The following SLC20A1 variants were observed in gnomAD, a reference collection of about 807,000 sequenced individuals.
The protein encoded by SLC20A1 is sodium-dependent phosphate transporter 1.
In SLC20A1, 28 loss-of-function variants were observed where a neutral mutation model predicts 62.7. The observed-to-expected ratio is 0.45, with a 90% CI of 0.33 to 0.61. The LOEUF (loss-of-function observed/expected upper bound fraction) is 0.61, where lower values mean the gene tolerates loss of function less well. SLC20A1 is among the 20% of genes least tolerant of loss of function. The pLI is 0.02. For missense variants in SLC20A1, 673 were observed against 838.6 expected (o/e 0.80, Z 2.44); for synonymous variants, 305 against 302.9 (o/e 1.01, Z -0.07).
At position 112,651,139 on chromosome 2, in the gene SLC20A1, T is replaced by A. The variant is rs905674386; in HGVS notation, c.562-1563T>A. Among the ~76,000 whole-genome samples the A allele has an allele frequency of 5.1e-4, 77 of 152,176 alleles. 4 individuals carry two copies. The highest frequency in any genetic ancestry group is 5.9e-5 in the Non-Finnish European group (4 of 68,028). The stretch of plus-strand genomic sequence containing the variant: ...TATAGATAAGAGTTAAATTTTAGAG[T>A]GGTTTTCAATGAGTGCTCATCTCTG... On this transcript the variant is annotated intron_variant, in intron 4 of 10. Transcript: ENST00000272542.
intron 5 of SLC20A1, among the ~76,000 whole-genome samples, chr2:112,653,999 T>G (rs1000747332): frequency 1.3e-5 from 2 of 151,918 alleles, no homozygotes; most frequent in Non-Finnish European, 2.9e-5. Context: ...TCCATGTTGG[T>G]CAGGCTGGTC....
Position 112,660,435 on chromosome 2 carries a change from A to G in SLC20A1, c.1656A>G (p.Gly552=). The G allele has an allele frequency of 6.2e-7, 1 of 1,614,060 alleles. No homozygotes were observed. The highest frequency in any genetic ancestry group is 8.5e-7 in the Non-Finnish European group (1 of 1,179,998). ...CTTTATATTTGGTTTATGACACAGG[A>G]GATGTTTCTTCAAAAGTGGCAACAC... ...LVALYLVYDT[G]DVSSKVATPI... is the part of the protein sequence containing the mutation. Residue 552 remains glycine, a synonymous_variant, in exon 9 of 11, where the codon GGA becomes GGG. Transcript: ENST00000272542.
intron 6 of SLC20A1, among the ~76,000 whole-genome samples, chr2:112,658,042 C>T (rs1480674912): frequency 6.6e-6 from 1 of 152,266 alleles, no homozygotes; most frequent in Non-Finnish European, 1.5e-5. Context: ...CGCTGCGTCA[C>T]CGCAGCTGAA....
chr2:112,657,170 T>A lies in SLC20A1; in HGVS notation c.707T>A (p.Val236Glu). The A allele has an allele frequency of 6.2e-7, 1 of 1,613,934 alleles. No individual in the cohort carries two copies. Among genetic ancestry groups the A allele is most frequent in the Non-Finnish European group, 8.5e-7 (1 of 1,179,870 alleles). Residue 236 changes from valine to glutamate, a missense_variant, in exon 6 of 11, where the codon GTG becomes GAG. Val to Glu is a moderately radical substitution (Grantham distance 121). Coordinates refer to ENST00000272542, the MANE Select transcript of SLC20A1 (RefSeq NM_005415.5). The part of the protein sequence containing the change: ...LPLWGTILIS[V>E]GCAVFCALIV... ...CTGTGGGGTACCATCCTCATCTCGG[T>A]GGGATGTGCAGTTTTCTGTGCCCTT...
intron 3 of SLC20A1, 24 bp downstream of exon 3, chr2:112,647,488 C>G: frequency 6.2e-7 from 1 of 1,605,556 alleles, no homozygotes; most frequent in Non-Finnish European, 8.5e-7. Flanking sequence ...CAAACGGCTT[C>G]TTAATTTTCG....
chr2:112,651,651 C>T (rs1686440739), intron 4 of SLC20A1, among the ~76,000 whole-genome samples: 1 of 152,160 alleles, frequency 6.6e-6, no homozygotes, highest in African/African-American at 2.4e-5. Context: ...CATGATTGTC[C>T]TGCCTCGGCC....
chr2:112,656,306 C>T (rs1349698824), intron 5 of SLC20A1, among the ~76,000 whole-genome samples: 1 of 151,410 alleles, frequency 6.6e-6, no homozygotes, highest in South Asian at 2.1e-4. Context: ...AAGTGATTCT[C>T]CCACCTCAGC....
At chr2:112,654,560 T>C (rs1201763084) in intron 5 of SLC20A1, among the ~76,000 whole-genome samples, 1 of 152,178 alleles carries the variant, frequency 6.6e-6, no homozygotes, top group African/African-American at 2.4e-5. Context: ...TGATCAAAAT[T>C]GAAAGCAGAA....
intron 3 of SLC20A1, 77 bp downstream of exon 3, chr2:112,647,541 G>T (rs1686317179): frequency 3.2e-6 from 5 of 1,586,644 alleles, no homozygotes; most frequent in Non-Finnish European, 8.6e-7. Context: ...GGGAGGATGT[G>T]TTCTAACGTC....
In SLC20A1 at chr2:112,659,595, A is replaced by G. The variant is rs1393828749; in HGVS notation, c.1440A>G (p.Ile480Met). The G allele has an allele frequency of 6.2e-7, 1 of 1,614,234 alleles. No individual in the cohort carries two copies. Among genetic ancestry groups the G allele is most frequent in the South Asian group, 1.1e-5 (1 of 91,082 alleles). ...CTGACCTTCACTCAGCATCTGAGAT[A>G]GACATGAGTGTCAAGGCAGAGATGG... is the stretch of plus-strand genomic sequence containing the variant. ...AVSDLHSASE[I>M]DMSVKAEMGL... The change falls in exon 8 of 11, where the codon ATA becomes ATG. Residue 480 changes from isoleucine to methionine, a missense_variant. Coordinates refer to ENST00000272542, the MANE Select transcript of SLC20A1 (RefSeq NM_005415.5).
In SLC20A1 at chr2:112,659,638, G is replaced by A. The variant is rs764066750; in HGVS notation, c.1483G>A (p.Gly495Arg). ...KAEMGLGDRK[G>R]SNGSLEEWYD... ...AGAGATGGGTCTAGGTGACAGAAAA[G>A]GAAGTAATGGCTCTCTAGAAGAATG... Residue 495 changes from glycine to arginine, a missense_variant, in exon 8 of 11, where the codon GGA (glycine) becomes AGA (arginine). Physicochemically the swap from Gly to Arg is moderately radical, Grantham distance 125. Transcript: ENST00000272542. 6 of 1,614,202 alleles carry A rather than the reference G, an allele frequency of 3.7e-6. No individual in the cohort carries two copies. The East Asian group carries it at 1.1e-4, about 30-fold the overall frequency.
At chr2:112,661,321 G>A (rs1166691814) in intron 10 of SLC20A1, 95 bp downstream of exon 10, 12 of 935,576 alleles carry the variant, frequency 1.3e-5, no homozygotes, top group African/African-American at 4.9e-5. Flanking sequence ...AGAAAGTTTT[G>A]TGCAGTTGGA....
chr2:112,658,747 G>C (rs1484800540), intron 6 of SLC20A1, 78 bp from the exon 7 acceptor site: 2 of 1,450,638 alleles, frequency 1.4e-6, no homozygotes, highest in African/African-American at 2.8e-5. Context: ...GAGTTTTTTG[G>C]GGGTGGAGGA....
At chr2:112,649,620 G>A (rs1686380520) in intron 4 of SLC20A1, among the ~76,000 whole-genome samples, 1 of 151,628 alleles carries the variant, frequency 6.6e-6, no homozygotes. Context: ...CTGAATGTTT[G>A]TTCCAAGCAT....
chr2:112,650,629 C>T (rs1272358459), intron 4 of SLC20A1, among the ~76,000 whole-genome samples: 1 of 145,804 alleles, frequency 6.9e-6, no homozygotes, highest in African/African-American at 2.5e-5. Flanking sequence ...CTGCACCTGG[C>T]TTTTTTTTTT....
At chr2:112,661,497 A>G (rs1291739100) in intron 10 of SLC20A1, among the ~76,000 whole-genome samples, 6 of 139,708 alleles carry the variant, frequency 4.3e-5, no homozygotes, top group African/African-American at 1.5e-4. Flanking sequence ...TAGTCTCTTT[A>G]TAATAATTTT....
In SLC20A1 at chr2:112,659,387, C is replaced by G; in HGVS notation, c.1232C>G (p.Pro411Arg). Residue 411 changes from proline to arginine, a missense_variant, in exon 8 of 11, where the codon CCC (proline) becomes CGC (arginine). Transcript: ENST00000272542. Reference protein sequence around the residue: ...GDCMGDSGDKPLRRNNSYTSY... With the variant: ...GDCMGDSGDKRLRRNNSYTSY... ...TGCATGGGAGACTCCGGTGACAAAC[C>G]CTTAAGGCGCAATAATAGCTATACT... The G allele has an allele frequency of 1.2e-6, 2 of 1,614,142 alleles. No individual in the cohort carries two copies. The highest frequency in any genetic ancestry group is 1.1e-5 in the South Asian group (1 of 91,082).
intron 5 of SLC20A1, among the ~76,000 whole-genome samples, chr2:112,653,728 C>T (rs1380826113): frequency 3.3e-5 from 5 of 151,536 alleles, no homozygotes; most frequent in African/African-American, 7.3e-5. Flanking sequence ...TGGGTTGTGA[C>T]TTGCTCTTAA....
chr2:112,659,829 G>A (rs1686700156), intron 8 of SLC20A1, 67 bp downstream of exon 8: 2 of 1,396,686 alleles, frequency 1.4e-6, no homozygotes, highest in Non-Finnish European at 2.0e-6. Flanking sequence ...TCACAGGCCT[G>A]TGCTTGTGGT....
Sources: gnomAD v4.1 joint callset for allele counts (sites outside exome capture counted in the v4.1 genomes callset) on GRCh38, gnomAD v4.1.1 for gene constraint, MANE v1.5 for transcripts, NCBI Gene and HGNC (gene_info 2026-07-23, HGNC 2026-07-21) for gene names.